The following EIF4G3 variants were observed in gnomAD, a reference collection of about 807,000 sequenced individuals.
The protein encoded by EIF4G3 is eukaryotic translation initiation factor 4 gamma 3.
Under a neutral mutation model 186.4 loss-of-function variants are expected in EIF4G3, and 34 were observed. The ratio of observed to expected loss-of-function variants is 0.18; its 90% CI spans 0.14 to 0.24. The LOEUF is 0.24. Ranked by LOEUF, EIF4G3 falls within the 10% of genes least tolerant of loss-of-function variation. The pLI is 1.00. For missense variants in EIF4G3, 1,536 were observed against 1,948.5 expected, an observed-to-expected ratio of 0.79 and a Z score of 3.99; for synonymous variants, 673 against 679.5, an observed-to-expected ratio of 0.99 and a Z score of 0.15.
chr1:21,148,763 G>A (rs1167537756), intron 2 of EIF4G3, among the ~76,000 whole-genome samples: 1 of 150,826 alleles, frequency 6.6e-6, no homozygotes, highest in African/African-American at 2.4e-5. Context: ...GAGAGGCTGA[G>A]GTGGGAGGAT....
intron 20 of EIF4G3, among the ~76,000 whole-genome samples, chr1:20,878,890 A>G (rs2081566166): frequency 6.6e-6 from 1 of 152,186 alleles, no homozygotes; most frequent in Non-Finnish European, 1.5e-5. Context: ...CAGCTTTGAA[A>G]CCTTTTTGAC....
At chr1:20,961,491 T>G (rs1302721388) in intron 12 of EIF4G3, among the ~76,000 whole-genome samples, 1 of 152,258 alleles carries the variant, frequency 6.6e-6, no homozygotes, top group Non-Finnish European at 1.5e-5. Flanking sequence ...TATTTGTCTT[T>G]TCTTTATGCT....
At chr1:20,817,681 G>GTTTT (rs34471464) in intron 33 of EIF4G3, 143 bp from the exon 34 acceptor site, 26 of 149,952 alleles carry the variant, frequency 1.7e-4, no homozygotes, top group Non-Finnish European at 2.6e-4. Context: ...TATGTTTGTA[G>GTTTT]TTTTTTTTTT....
intron 3 of EIF4G3, among the ~76,000 whole-genome samples, chr1:21,083,412 G>C (rs1054520430): frequency 1.3e-5 from 2 of 151,672 alleles, no homozygotes; most frequent in African/African-American, 4.8e-5. Flanking sequence ...TCCTGGGCTC[G>C]AGCAGTCCTC....
At chr1:20,983,896 G>C (rs1472434447) in intron 7 of EIF4G3, among the ~76,000 whole-genome samples, 1 of 152,190 alleles carries the variant, frequency 6.6e-6, no homozygotes, top group East Asian at 1.9e-4. Flanking sequence ...AAGAAAAATA[G>C]ATACGGGCAA....
At chr1:21,094,296 C>T (rs2096290018) in intron 2 of EIF4G3, among the ~76,000 whole-genome samples, 1 of 151,936 alleles carries the variant, frequency 6.6e-6, no homozygotes, top group South Asian at 2.1e-4. Flanking sequence ...ATAAATCATG[C>T]TGCTATAAAG....
intron 14 of EIF4G3, among the ~76,000 whole-genome samples, chr1:20,910,225 AT>A (rs2092973796): frequency 6.6e-6 from 1 of 152,242 alleles, no homozygotes; most frequent in Non-Finnish European, 1.5e-5. Flanking sequence ...GTGAAGAACT[AT>A]AAAAGAGCTA....
At chr1:21,073,731 T>C (rs535125987) in intron 3 of EIF4G3, 4 of 492,098 alleles carry the variant, frequency 8.1e-6, no homozygotes, top group East Asian at 5.4e-5. Flanking sequence ...AGAGACTGTA[T>C]TGTAGGGAAG....
chr1:20,895,387 C>A lies in EIF4G3; in HGVS notation c.2114G>T (p.Ser705Ile). 6.2e-7 allele frequency: 1 copy of A among 1,613,880 alleles called. No homozygotes were observed. The highest frequency in any genetic ancestry group is 8.5e-7 in the Non-Finnish European group (1 of 1,179,832). Residue 705 changes from serine to isoleucine, a missense_variant, in exon 17 of 37, where the codon AGT (serine) becomes ATT (isoleucine). Ser to Ile is a moderately radical substitution (Grantham distance 142). Transcript: ENST00000602326. ...IQKPEGLPPI[S>I]DVVLDKINQP... ...GCTTACCTTGTCAAGAACCACATCACTGATAGGAGGCAGGCCCTCTGGTTT... is the reference window on the plus strand; with the variant it reads ...GCTTACCTTGTCAAGAACCACATCAATGATAGGAGGCAGGCCCTCTGGTTT...
intron 3 of EIF4G3, among the ~76,000 whole-genome samples, chr1:21,062,409 C>A (rs1436380332): frequency 3.6e-4 from 54 of 152,104 alleles, no homozygotes; most frequent in Non-Finnish European, 1.5e-5. Context: ...GAGAATAAAT[C>A]AGTAATATCC....
intron 3 of EIF4G3, among the ~76,000 whole-genome samples, chr1:21,059,995 A>T (rs1346524975): frequency 6.6e-6 from 1 of 152,256 alleles, no homozygotes; most frequent in African/African-American, 2.4e-5. Context: ...TCACCTAGGC[A>T]GGTGTATAGT....
In EIF4G3 at chr1:21,019,026, A is replaced by G. The variant is rs546099495; in HGVS notation, c.-66-16218T>C. Among the ~76,000 whole-genome samples the G allele has an allele frequency of 3.3e-5, 5 of 152,176 alleles. No homozygotes were observed. The East Asian group carries it at 5.8e-4, about 18-fold the overall frequency. On this transcript the variant is annotated intron_variant, in intron 4 of 36. Transcript: ENST00000602326. ...TTGTGTATTTTACCACAACTGAAAAAAAGTTTTTTTAAGAGAACAGGTCTC... is the reference window on the plus strand; with the variant it reads ...TTGTGTATTTTACCACAACTGAAAAGAAGTTTTTTTAAGAGAACAGGTCTC...
intron 3 of EIF4G3, among the ~76,000 whole-genome samples, chr1:21,053,109 C>A (rs1235610019): frequency 6.6e-6 from 1 of 151,764 alleles, no homozygotes; most frequent in Non-Finnish European, 1.5e-5. Flanking sequence ...CGTCTCTGCC[C>A]GGCCGCCATC....
At chr1:21,108,470 C>T (rs1017544386) in intron 2 of EIF4G3, among the ~76,000 whole-genome samples, 11 of 152,098 alleles carry the variant, frequency 7.2e-5, no homozygotes, top group African/African-American at 2.7e-4. Flanking sequence ...GTCAATTTTA[C>T]TCTATTACAT....
intron 16 of EIF4G3, among the ~76,000 whole-genome samples, chr1:20,897,804 A>C (rs1165638155): frequency 6.6e-6 from 1 of 152,046 alleles, no homozygotes; most frequent in Non-Finnish European, 1.5e-5. Flanking sequence ...GTTAAATATT[A>C]CAAGGGCAAA....
chr1:20,870,904 G>C (rs2079006603), intron 20 of EIF4G3, among the ~76,000 whole-genome samples: 1 of 152,130 alleles, frequency 6.6e-6, no homozygotes, highest in African/African-American at 2.4e-5. Context: ...CTCAAGCCTT[G>C]TATGGTATGC....
chr1:20,848,891 A>G (rs1227453664), intron 29 of EIF4G3, among the ~76,000 whole-genome samples: 1 of 151,962 alleles, frequency 6.6e-6, no homozygotes, highest in Non-Finnish European at 1.5e-5. Flanking sequence ...TACTAAAAAT[A>G]CAAAAATTAG....
intron 2 of EIF4G3, among the ~76,000 whole-genome samples, chr1:21,126,062 G>A (rs2097035430): frequency 6.6e-6 from 1 of 151,508 alleles, no homozygotes; most frequent in Non-Finnish European, 1.5e-5. Context: ...AAATTAGGCA[G>A]GCGTGGTGGT....
chr1:21,122,182 A>G (rs989798678), intron 2 of EIF4G3, among the ~76,000 whole-genome samples: 5 of 152,224 alleles, frequency 3.3e-5, no homozygotes, highest in Non-Finnish European at 7.3e-5. Flanking sequence ...ATTCTGCTTA[A>G]AACAATGACA....
Sources: allele counts gnomAD v4.1 joint callset (sites outside exome capture counted in the v4.1 genomes callset), GRCh38; gene constraint gnomAD v4.1.1; transcripts MANE v1.5; gene names NCBI Gene and HGNC (gene_info 2026-07-23, HGNC 2026-07-21).